The following VPS54 variants were observed in gnomAD, a reference collection of about 807,000 sequenced individuals.
VPS54 encodes the protein VPS54 subunit of GARP complex.
Under a neutral mutation model 121.5 loss-of-function variants are expected in VPS54, and 45 were observed. The observed-to-expected ratio is 0.37, with a 90% CI of 0.29 to 0.47. VPS54 has a LOEUF of 0.47. Among genes scored for constraint, VPS54 ranks in the 20% least tolerant of loss-of-function variants. The probability of loss-of-function intolerance (pLI) is 0.99; values close to 1 mark genes in which losing one functional copy is unlikely to be tolerated. For synonymous variants in VPS54, 371 were observed against 385.8 expected, an observed-to-expected ratio of 0.96 and a Z score of 0.45; for missense variants, 1,090 against 1,131.4, an observed-to-expected ratio of 0.96 and a Z score of 0.52.
chr2:63,910,974 T>C (rs945650941), intron 20 of VPS54, among the ~76,000 whole-genome samples: 22 of 152,154 alleles, frequency 1.4e-4, no homozygotes, highest in African/African-American at 5.1e-4. Flanking sequence ...AGTGGGGTGA[T>C]CACAGCTCAC....
chr2:63,967,121 A>G (rs1676037108), intron 5 of VPS54, among the ~76,000 whole-genome samples: 2 of 152,064 alleles, frequency 1.3e-5, no homozygotes, highest in African/African-American at 4.8e-5. Flanking sequence ...TACCTCTAAC[A>G]CCTAGCATAG....
chr2:63,992,197 A>C (rs888246958), intron 1 of VPS54, among the ~76,000 whole-genome samples: 2 of 152,222 alleles, frequency 1.3e-5, no homozygotes, highest in Admixed American at 1.3e-4. Context: ...AAAGGAGATA[A>C]GACACGTGGC....
At chr2:63,904,224 G>C (rs1672807852) in intron 20 of VPS54, among the ~76,000 whole-genome samples, 1 of 152,038 alleles carries the variant, frequency 6.6e-6, no homozygotes, top group Non-Finnish European at 1.5e-5. Context: ...CGGATCACTT[G>C]AGGTCAGGAA....
intron 20 of VPS54, among the ~76,000 whole-genome samples, chr2:63,903,005 C>T (rs78774222): frequency 3.9e-4 from 36 of 92,638 alleles, no homozygotes; most frequent in Admixed American, 1.0e-3. Context: ...TAACATAACA[C>T]AACATAACAT....
chr2:64,009,643 A>G (rs1401378374), intron 1 of VPS54, among the ~76,000 whole-genome samples: 8 of 151,742 alleles, frequency 5.3e-5, no homozygotes, highest in Admixed American at 3.9e-4. Context: ...AATTTACTGC[A>G]TTTTTCTTAC....
At chr2:63,914,025 T>C (rs1673268159) in intron 17 of VPS54, 157 bp downstream of exon 17, 2 of 1,044,458 alleles carry the variant, frequency 1.9e-6, no homozygotes, top group African/African-American at 3.3e-5. Context: ...GCAGCCTGTT[T>C]CCAATAACAT....
At position 64,013,643 on chromosome 2, in the gene VPS54, AATATATAGATATATATTGAT is replaced by A. The variant is rs969154146; in HGVS notation, c.-21+5275_-21+5294del. Among the ~76,000 whole-genome samples the A allele has an allele frequency of 3.8e-4, 55 of 145,596 alleles. 1 individual carries two copies. In the East Asian group the frequency reaches 0.011, roughly 28 times the overall value. The stretch of plus-strand genomic sequence containing the variant: ...CAGCATTTATATATAAATATATATC[AATATATAGATATATATTGAT>A]ATATATATCTATATATTGATATATA... On this transcript the variant is annotated intron_variant, in intron 1 of 22. Coordinates refer to ENST00000272322, the MANE Select transcript of VPS54 (RefSeq NM_016516.3).
chr2:64,000,577 C>G (rs1053067314), intron 1 of VPS54, among the ~76,000 whole-genome samples: 1 of 152,218 alleles, frequency 6.6e-6, no homozygotes, highest in African/African-American at 2.4e-5. Flanking sequence ...GTGATTTAAG[C>G]TGTATCTGCT....
At chr2:63,988,696 C>T (rs575898593) in intron 1 of VPS54, among the ~76,000 whole-genome samples, 88 of 152,182 alleles carry the variant, frequency 5.8e-4, no homozygotes, top group African/African-American at 2.0e-3. Flanking sequence ...CCATCATCTT[C>T]GTAAAATGAG....
chr2:64,016,808 C>T (rs988655317), intron 1 of VPS54, among the ~76,000 whole-genome samples: 6 of 151,678 alleles, frequency 4.0e-5, no homozygotes, highest in African/African-American at 2.4e-5. Context: ...GGGGTTTCAC[C>T]ATGTTGGCTA....
At chr2:63,966,809 A>T (rs933128760) in intron 5 of VPS54, among the ~76,000 whole-genome samples, 3 of 152,182 alleles carry the variant, frequency 2.0e-5, no homozygotes, top group Admixed American at 6.5e-5. Flanking sequence ...GCAATATTCA[A>T]TTCTCTTCCA....
chr2:63,990,072 G>A (rs77587159), intron 1 of VPS54, among the ~76,000 whole-genome samples: 3,298 of 152,206 alleles, frequency 0.022, 35 homozygotes, highest in East Asian at 0.034. Flanking sequence ...GGTACATGTC[G>A]TCCTAATGAC....
chr2:63,991,588 C>T (rs111598566), intron 1 of VPS54, among the ~76,000 whole-genome samples: 1 of 152,302 alleles, frequency 6.6e-6, no homozygotes, highest in South Asian at 2.1e-4. Flanking sequence ...GCGGCCAAGC[C>T]GGCTCAACAA....
intron 20 of VPS54, among the ~76,000 whole-genome samples, chr2:63,909,019 C>T (rs183370475): frequency 6.6e-6 from 1 of 152,216 alleles, no homozygotes; most frequent in African/African-American, 2.4e-5. Flanking sequence ...ACTTCATTTG[C>T]CCTCATCTTA....
chr2:63,938,077 T>TGG (rs1674544673), intron 11 of VPS54, among the ~76,000 whole-genome samples: 1 of 151,280 alleles, frequency 6.6e-6, no homozygotes, highest in South Asian at 2.1e-4. Context: ...TGTGTGTGTG[T>TGG]GTGTGTGTCT....
chr2:64,014,061 C>G (rs556642183), intron 1 of VPS54, among the ~76,000 whole-genome samples: 1 of 148,286 alleles, frequency 6.7e-6, no homozygotes, highest in Non-Finnish European at 1.5e-5. Flanking sequence ...CGTAGTGACA[C>G]GCCAGAAAGA....
intron 1 of VPS54, among the ~76,000 whole-genome samples, chr2:63,997,589 AG>A (rs1677659771): frequency 6.6e-6 from 1 of 151,748 alleles, no homozygotes; most frequent in East Asian, 1.9e-4. Context: ...CTTTTTTCTT[AG>A]TCTGGCAAAA....
intron 7 of VPS54, among the ~76,000 whole-genome samples, chr2:63,951,116 C>T (rs1163443189): frequency 2.0e-5 from 3 of 151,880 alleles, no homozygotes; most frequent in Non-Finnish European, 2.9e-5. Context: ...ATAAAATCTG[C>T]ATTTTCAATA....
At chr2:63,975,106 C>G in intron 3 of VPS54, 1 of 1,414,140 alleles carries the variant, frequency 7.1e-7, no homozygotes, top group Non-Finnish European at 9.6e-7. Flanking sequence ...AGTGCAGTGG[C>G]GTGATCTTGG....
Sources: allele counts gnomAD v4.1 joint callset (sites outside exome capture counted in the v4.1 genomes callset), GRCh38; gene constraint gnomAD v4.1.1; transcripts MANE v1.5; gene names NCBI Gene and HGNC (gene_info 2026-07-23, HGNC 2026-07-21).